The following CYP19A1 variants were observed in gnomAD, a reference collection of about 807,000 sequenced individuals.
CYP19A1 encodes the protein aromatase.
In CYP19A1, 32 loss-of-function variants were observed where a neutral mutation model predicts 44.4. The observed-to-expected ratio is 0.72, with a 90% CI of 0.54 to 0.97. The LOEUF is 0.97. Ranked by LOEUF, CYP19A1 falls within the 50% of genes least tolerant of loss-of-function variation. The pLI, the probability that CYP19A1 is intolerant of heterozygous loss-of-function variation, is 0.00. For missense variants in CYP19A1, 598 were observed against 637.8 expected (o/e 0.94, Z 0.67); for synonymous variants, 212 against 215.6 (o/e 0.98, Z 0.14).
chr15:51,309,560 C>G (rs947145778), intron 1 of CYP19A1, among the ~76,000 whole-genome samples: 2 of 152,324 alleles, frequency 1.3e-5, no homozygotes, highest in Middle Eastern at 3.4e-3. Context: ...AGACTGTGTT[C>G]TCTAAGTCTA....
chr15:51,306,184 G>A (rs1250387139), intron 1 of CYP19A1, among the ~76,000 whole-genome samples: 1 of 152,146 alleles, frequency 6.6e-6, no homozygotes, highest in Admixed American at 6.5e-5. Context: ...TTCTACCCAA[G>A]AAAAGCTTGG....
intron 1 of CYP19A1, among the ~76,000 whole-genome samples, chr15:51,243,911 T>G (rs746588603): frequency 6.6e-6 from 1 of 152,238 alleles, no homozygotes; most frequent in Non-Finnish European, 1.5e-5. Context: ...AGGTAGTCTG[T>G]AGCTGAAGAG....
intron 4 of CYP19A1, 87 bp downstream of exon 4, chr15:51,227,692 A>AAATG: frequency 2.7e-6 from 1 of 375,594 alleles, no homozygotes. Context: ...ATAAATAAAT[A>AAATG]AATAAATAAA....
intron 3 of CYP19A1, among the ~76,000 whole-genome samples, chr15:51,235,300 G>C (rs55845908): frequency 6.6e-6 from 1 of 152,148 alleles, no homozygotes; most frequent in Non-Finnish European, 1.5e-5. Flanking sequence ...TCACCTGCAG[G>C]CTTTGTTAAA....
At chr15:51,337,091 G>A (rs890948267) in intron 1 of CYP19A1, among the ~76,000 whole-genome samples, 17 of 152,126 alleles carry the variant, frequency 1.1e-4, no homozygotes, top group Non-Finnish European at 1.3e-4. Flanking sequence ...CAAGTTTATC[G>A]TGCATTCAAA....
chr15:51,293,407 T>C (rs1231518096), intron 1 of CYP19A1, among the ~76,000 whole-genome samples: 2 of 152,240 alleles, frequency 1.3e-5, no homozygotes, highest in Non-Finnish European at 2.9e-5. Flanking sequence ...AGGTTAACTC[T>C]TATTTTTAAA....
chr15:51,214,878 A>G (rs1007641037), intron 8 of CYP19A1, among the ~76,000 whole-genome samples, 192 bp downstream of exon 8: 1 of 152,202 alleles, frequency 6.6e-6, no homozygotes, highest in Non-Finnish European at 1.5e-5. Context: ...CATCATTTTT[A>G]TGATTAAGAA....
At chr15:51,310,574 A>C (rs772159896) in intron 1 of CYP19A1, among the ~76,000 whole-genome samples, 1 of 152,208 alleles carries the variant, frequency 6.6e-6, no homozygotes, top group Non-Finnish European at 1.5e-5. Flanking sequence ...CTTGAGCACT[A>C]AAATCTCAAG....
At chr15:51,318,604 A>G (rs1456311047) in intron 1 of CYP19A1, 1 of 152,110 alleles carries the variant, frequency 6.6e-6, no homozygotes, top group Non-Finnish European at 1.5e-5. Context: ...CTGTGACCTC[A>G]ATCTTCCTGG....
intron 1 of CYP19A1, among the ~76,000 whole-genome samples, chr15:51,245,758 A>C (rs1167192571): frequency 6.6e-6 from 1 of 152,262 alleles, no homozygotes; most frequent in East Asian, 1.9e-4. Context: ...TAAGCACTTT[A>C]GAAATATTAA....
At chr15:51,251,148 G>A (rs1240327111) in intron 1 of CYP19A1, among the ~76,000 whole-genome samples, 1 of 152,146 alleles carries the variant, frequency 6.6e-6, no homozygotes, top group Non-Finnish European at 1.5e-5. Flanking sequence ...GGAAGCCTCC[G>A]GAGCCAAGTG....
At chr15:51,301,529 G>A (rs891887752) in intron 1 of CYP19A1, among the ~76,000 whole-genome samples, 5 of 152,200 alleles carry the variant, frequency 3.3e-5, no homozygotes, top group African/African-American at 1.2e-4. Context: ...TAGGATTGGA[G>A]GCCAGAGCCC....
chr15:51,251,415 C>T (rs769211413), intron 1 of CYP19A1, among the ~76,000 whole-genome samples: 3 of 152,164 alleles, frequency 2.0e-5, no homozygotes, highest in Non-Finnish European at 4.4e-5. Flanking sequence ...GCGCATCTAC[C>T]TGGATATGAT....
intron 1 of CYP19A1, among the ~76,000 whole-genome samples, chr15:51,329,947 G>T (rs570790596): frequency 6.6e-6 from 1 of 152,322 alleles, no homozygotes; most frequent in South Asian, 2.1e-4. Context: ...AGTCGGAGCA[G>T]CTAGCCCTCC....
chr15:51,273,869 T>C (rs895774648), intron 1 of CYP19A1, among the ~76,000 whole-genome samples: 1 of 152,104 alleles, frequency 6.6e-6, no homozygotes, highest in Non-Finnish European at 1.5e-5. Flanking sequence ...TAGCCGGGCA[T>C]GGTGGCAGGC....
At chr15:51,294,364 G>A (rs1358568604) in intron 1 of CYP19A1, among the ~76,000 whole-genome samples, 5 of 134,242 alleles carry the variant, frequency 3.7e-5, no homozygotes, top group Admixed American at 1.5e-4. Context: ...GCCCGGCCGC[G>A]ACCCCATCTG....
chr15:51,261,217 G>T (rs146488679), intron 1 of CYP19A1, among the ~76,000 whole-genome samples: 6 of 152,230 alleles, frequency 3.9e-5, no homozygotes, highest in African/African-American at 1.4e-4. Context: ...AACACTCACC[G>T]CATGGCCCAA....
intron 1 of CYP19A1, among the ~76,000 whole-genome samples, chr15:51,254,357 G>T (rs926019738): frequency 6.6e-6 from 1 of 152,152 alleles, no homozygotes; most frequent in African/African-American, 2.4e-5. Context: ...AATGACCTTT[G>T]ACTGCTTCCC....
chr15:51,260,798 G>T (rs960188787), intron 1 of CYP19A1, among the ~76,000 whole-genome samples: 1 of 152,210 alleles, frequency 6.6e-6, no homozygotes, highest in Non-Finnish European at 1.5e-5. Context: ...GAGCACAGAG[G>T]GAGGGACAAT....
Sources: allele counts gnomAD v4.1 joint callset (sites outside exome capture counted in the v4.1 genomes callset), GRCh38; gene constraint gnomAD v4.1.1; transcripts MANE v1.5; gene names NCBI Gene and HGNC (gene_info 2026-07-23, HGNC 2026-07-21).